The following TRIM7 variants were observed in gnomAD, a reference collection of about 807,000 sequenced individuals.
TRIM7 encodes the protein tripartite motif containing 7, also known as E3 ubiquitin-protein ligase TRIM7.
Under a neutral mutation model 37.9 loss-of-function variants are expected in TRIM7, and 32 were observed. The ratio of observed to expected loss-of-function variants is 0.84; its 90% confidence interval spans 0.64 to 1.13. TRIM7 has a LOEUF of 1.13. Among genes scored for constraint, TRIM7 ranks in the 50% most tolerant of loss-of-function variants. TRIM7 has a pLI of 0.00. For synonymous variants in TRIM7, 351 were observed against 321.3 expected, an observed-to-expected ratio of 1.09 and a Z score of -0.99; for missense variants, 732 against 714.0, an observed-to-expected ratio of 1.03 and a Z score of -0.29.
chr5:181,199,305 G>T (rs2391741), intron 3 of TRIM7, 188 bp from the exon 4 acceptor site: 1 of 645,520 alleles, frequency 1.5e-6, no homozygotes. Flanking sequence ...TCTCACCCAC[G>T]CAGTGGACCT....
intron 2 of TRIM7, chr5:181,200,835 T>A (rs1048868965): frequency 1.0e-6 from 1 of 985,560 alleles, no homozygotes; most frequent in Non-Finnish European, 1.2e-6. Context: ...TTAAAACTCC[T>A]GGGCGGAGGA....
In TRIM7 at chr5:181,198,112, T is replaced by A. The variant is rs1418421748; in HGVS notation, c.1024+71A>T. 8 of 1,572,126 alleles carry A rather than the reference T, an allele frequency of 5.1e-6. No homozygotes were observed. In the East Asian group the frequency reaches 1.6e-4, roughly 31 times the overall value. ...ACCGACCATATGCAAAACCCTGAGA[T>A]GGTCACGAGCAGGGAGTAGGATCTC... On this transcript the variant is annotated intron_variant, in intron 6 of 6. Transcript: ENST00000274773.
chr5:181,198,372 CG>C, intron 5 of TRIM7, 154 bp from the exon 6 acceptor site: 3 of 821,098 alleles, frequency 3.7e-6, no homozygotes, highest in African/African-American at 1.7e-5. Context: ...GCATGGGGAG[CG>C]GGGGGCAGGG....
Position 181,195,522 on chromosome 5 carries a change from A to G in TRIM7, c.1180T>C (p.Ser394Pro). ...TRVLASCGFS[S>P]GRHHWEVEVG... ...TCCACCTCCCAGTGATGCCGGCCCGAGGAGAAGCCGCAGGACGCCAGGACG... is the reference window on the plus strand; with the variant it reads ...TCCACCTCCCAGTGATGCCGGCCCGGGGAGAAGCCGCAGGACGCCAGGACG... The change falls in exon 7 of 7, where the codon TCG becomes CCG. Residue 394 changes from serine to proline, a missense_variant. Transcript: ENST00000274773. The G allele has an allele frequency of 6.2e-7, 1 of 1,612,552 alleles. No homozygotes were observed. Among genetic ancestry groups the G allele is most frequent in the Non-Finnish European group, 8.5e-7 (1 of 1,179,466 alleles).
At chr5:181,203,974 G>C (rs1369259509) in intron 1 of TRIM7, 10 of 1,082,820 alleles carry the variant, frequency 9.2e-6, no homozygotes, top group Non-Finnish European at 1.0e-5. Flanking sequence ...GGAGAGACTG[G>C]GGACTGCCGC....
At chr5:181,198,073 G>C in intron 6 of TRIM7, 110 bp downstream of exon 6, 1 of 1,156,842 alleles carries the variant, frequency 8.6e-7, no homozygotes, top group South Asian at 1.3e-5. Context: ...TGCTGAGGTG[G>C]GTGGGCTGAA....
At chr5:181,202,618 G>C (rs921384373) in intron 2 of TRIM7, 1 of 149,776 alleles carries the variant, frequency 6.7e-6, no homozygotes, top group African/African-American at 2.5e-5. Context: ...CCAGGCTGGA[G>C]TGCAGTGGCG....
rs939462356 is a variant in TRIM7 at position 181,199,974 on chromosome 5, G to A, written c.726C>T (p.Ser242=). 1 of 1,614,222 alleles carries A rather than the reference G, an allele frequency of 6.2e-7. No individual in the cohort carries two copies. Among genetic ancestry groups the A allele is most frequent in the African/African-American group, 1.3e-5 (1 of 75,050 alleles). The change falls in exon 3 of 7, where the codon TCC becomes TCT. Residue 242 remains serine (S), a synonymous_variant. Coordinates refer to ENST00000274773, the MANE Select transcript of TRIM7 (RefSeq NM_203293.3). Reference sequence around the variant, plus strand: ...CATTCTGCTTCTGTGCCACCTCCCGGGACAGTTCCTCCAGGCGGCCTAGCA... The same window carrying A: ...CATTCTGCTTCTGTGCCACCTCCCGAGACAGTTCCTCCAGGCGGCCTAGCA... ...GRLLGRLEEL[S]REVAQKQNEN...
chr5:181,200,055 C>T lies in TRIM7; in HGVS notation c.645G>A (p.Lys215=), dbSNP rs749975908. Residue 215 remains lysine, a synonymous_variant, in exon 3 of 7, where the codon AAG becomes AAA. Coordinates refer to ENST00000274773, the MANE Select transcript of TRIM7 (RefSeq NM_203293.3). Reference sequence around the variant, plus strand: ...TCAGTGCCTGGAACTCTGCCCCCACCTTCTCCTGCTCCGCTGCCATCTGTT... The same window carrying T: ...TCAGTGCCTGGAACTCTGCCCCCACTTTCTCCTGCTCCGCTGCCATCTGTT... ...LLKQMAAEQE[K]VGAEFQALRA... 5 of 1,614,270 alleles carry T rather than the reference C, an allele frequency of 3.1e-6. No individual in the cohort carries two copies. Among genetic ancestry groups the T allele is most frequent in the Non-Finnish European group, 4.2e-6 (5 of 1,180,054 alleles).
intron 2 of TRIM7, among the ~76,000 whole-genome samples, chr5:181,201,897 G>T (rs1189944169): frequency 6.6e-6 from 1 of 152,208 alleles, no homozygotes; most frequent in East Asian, 1.9e-4. Context: ...GTCAACCAGT[G>T]GGGGAAGAGC....
Position 181,204,752 on chromosome 5 carries a change from G to A in TRIM7, c.359C>T (p.Ala120Val). The A allele has an allele frequency of 1.4e-6, 2 of 1,449,942 alleles. No individual in the cohort carries two copies. The highest frequency in any genetic ancestry group is 1.8e-6 in the Non-Finnish European group (2 of 1,111,420). 89.8% of individuals were successfully genotyped at this position (1,449,942 alleles called of 1,614,324 possible). The change falls in exon 1 of 7, where the codon GCG becomes GTG. Residue 120 changes from alanine (A) to valine (V), a missense_variant. Ala to Val is a moderately conservative substitution (Grantham distance 64, BLOSUM62 0). Coordinates refer to ENST00000274773, the MANE Select transcript of TRIM7 (RefSeq NM_203293.3). ...GGCAGCCGCTGCCCGGGCCGCGGCC[G>A]CCTGAGACCCGTGCTCTCCCGGGGC... is the stretch of plus-strand genomic sequence containing the variant. The part of the protein sequence containing the change: ...AAAPGEHGSQ[A>V]AAARAAAARC...
rs1028885084 is a variant in TRIM7, at chr5:181,204,902, C to T, written c.209G>A (p.Arg70His). 1.5e-6 allele frequency: 2 copies of T among 1,370,836 alleles called. No homozygotes were observed. The highest frequency in any genetic ancestry group is 9.3e-7 in the Non-Finnish European group (1 of 1,071,566). The allele number at this position is 1,370,836 out of a possible 1,614,324, so 84.9% of individuals were successfully genotyped here. Reference sequence around the variant, plus strand: ...ACAGGGCAGTGGGAAGGGGGGCGCGCGGGTGGCGGCCCCAACAGACCCCGC... The same window carrying T: ...ACAGGGCAGTGGGAAGGGGGGCGCGTGGGTGGCGGCCCCAACAGACCCCGC... ...PGAGSVGAAT[R>H]APPFPLPCPQ... The change falls in exon 1 of 7, where the codon CGC becomes CAC. Residue 70 changes from arginine (R) to histidine (H), a missense_variant. Physicochemically the swap from Arg to His is conservative, Grantham distance 29. Coordinates refer to ENST00000274773, the MANE Select transcript of TRIM7 (RefSeq NM_203293.3).
chr5:181,199,179 A>G, intron 3 of TRIM7, 62 bp from the exon 4 acceptor site: 1 of 1,601,958 alleles, frequency 6.2e-7, no homozygotes, highest in South Asian at 1.1e-5. Flanking sequence ...CCTCTGAGAA[A>G]CAAAGCTTGC....
At position 181,200,099 on chromosome 5, in the gene TRIM7, G is replaced by A; in HGVS notation, c.619-18C>T. 1 of 1,614,260 alleles carries A rather than the reference G, an allele frequency of 6.2e-7. No homozygotes were observed. Among genetic ancestry groups the A allele is most frequent in the Non-Finnish European group, 8.5e-7 (1 of 1,180,040 alleles). ...ATCTGTTTCTGTCCCAGGAGGAGAAGTTGGAGAGGGACTTGAACATGGAGA... is the reference window on the plus strand; with the variant it reads ...ATCTGTTTCTGTCCCAGGAGGAGAAATTGGAGAGGGACTTGAACATGGAGA... On this transcript the variant is annotated intron_variant, in intron 2 of 6. Transcript: ENST00000274773.
At position 181,195,007 on chromosome 5, in the gene TRIM7, A is replaced by C; in HGVS notation, c.*159T>G. 1 of 896,580 alleles carries C rather than the reference A, an allele frequency of 1.1e-6. No individual in the cohort carries two copies. The highest frequency in any genetic ancestry group is 1.7e-5 in the African/African-American group (1 of 58,514). 55.5% of individuals were successfully genotyped at this position (896,580 alleles called of 1,614,324 possible). ...CCTGTTCCCCTGCTCGGTTGGCCAC[A>C]GTCACTCTCCTGCCTCGGGGTTGTG... On this transcript the variant is annotated 3_prime_UTR_variant, in exon 7 of 7. Transcript: ENST00000274773.
intron 2 of TRIM7, chr5:181,200,948 T>C (rs1388129966): frequency 1.0e-6 from 1 of 985,102 alleles, no homozygotes; most frequent in East Asian, 1.1e-4. Context: ...GAGCGCCTTA[T>C]GGATATTAAC....
chr5:181,204,898 C>T lies in TRIM7; in HGVS notation c.213G>A (p.Ala71=), dbSNP rs760982934. The stretch of plus-strand genomic sequence containing the variant: ...GCGGACAGGGCAGTGGGAAGGGGGG[C>T]GCGCGGGTGGCGGCCCCAACAGACC... ...GAGSVGAATR[A]PPFPLPCPQC... Residue 71 remains alanine, a synonymous_variant, in exon 1 of 7, where the codon GCG becomes GCA. Transcript: ENST00000274773. 5.1e-6 allele frequency: 7 copies of T among 1,370,570 alleles called. No homozygotes were observed. Among genetic ancestry groups the T allele is most frequent in the Non-Finnish European group, 6.5e-6 (7 of 1,071,450 alleles). 84.9% of individuals were successfully genotyped at this position (1,370,570 alleles called of 1,614,324 possible).
At position 181,195,604 on chromosome 5, in the gene TRIM7, G is replaced by T; in HGVS notation, c.1098C>A (p.Leu366=). The stretch of plus-strand genomic sequence containing the variant: ...TGGGCAGGTCCTGGGCCCGCTCGCC[G>T]AGGCGCACGCCCTTAAGATCCAGAG... ...ILSLDLKGVR[L]GERAQDLPNH... Residue 366 remains leucine, a synonymous_variant, in exon 7 of 7, where the codon CTC becomes CTA. Coordinates refer to ENST00000274773, the MANE Select transcript of TRIM7 (RefSeq NM_203293.3). 6.3e-7 allele frequency: 1 copy of T among 1,586,640 alleles called. No homozygotes were observed. Among genetic ancestry groups the T allele is most frequent in the Non-Finnish European group, 8.6e-7 (1 of 1,163,472 alleles).
chr5:181,199,551 AAATAG>A (rs1299958153), intron 3 of TRIM7: 3 of 494,054 alleles, frequency 6.1e-6, no homozygotes, highest in African/African-American at 1.9e-5. Context: ...TTTTTTAGCG[AAATAG>A]AATAGAAAAC....
Sources: allele counts gnomAD v4.1 joint callset (sites outside exome capture counted in the v4.1 genomes callset), GRCh38; gene constraint gnomAD v4.1.1; transcripts MANE v1.5; gene names NCBI Gene and HGNC (gene_info 2026-07-23, HGNC 2026-07-21).